The following CRIPTO variants were observed in gnomAD, a reference collection of about 807,000 sequenced individuals.
The protein encoded by CRIPTO is cripto, EGF-CFC family member.
the CRIPTO span, chr3:46,579,132 C>T: frequency 6.2e-7 from 1 of 1,614,188 alleles, no homozygotes; most frequent in African/African-American, 1.3e-5. Context: ...AGTCTTTGAA[C>T]TGGGATTAGT....
chr3:46,575,314 C>T, the CRIPTO span, among the ~76,000 whole-genome samples: 1 of 152,336 alleles, frequency 6.6e-6, no homozygotes, highest in South Asian at 2.1e-4. Context: ...CAGTAGTAGA[C>T]ATCAAATACC....
the CRIPTO span, chr3:46,581,309 G>A: frequency 5.4e-6 from 7 of 1,304,434 alleles, no homozygotes; most frequent in East Asian, 1.2e-4. Flanking sequence ...TTCATGACCA[G>A]TAAAGGCTGC....
the CRIPTO span, chr3:46,579,798 T>C: frequency 6.2e-7 from 1 of 1,613,662 alleles, no homozygotes; most frequent in South Asian, 1.1e-5. Flanking sequence ...GGGGTCCTTT[T>C]GTGCCTGCCC....
the CRIPTO span, chr3:46,581,013 G>A: frequency 2.6e-6 from 2 of 762,372 alleles, no homozygotes; most frequent in East Asian, 5.3e-5. Flanking sequence ...CTAGGTTCCA[G>A]GTGTGAGTGT....
the CRIPTO span, among the ~76,000 whole-genome samples, chr3:46,578,431 T>G: frequency 5.3e-5 from 8 of 151,704 alleles, no homozygotes; most frequent in Non-Finnish European, 1.2e-4. Context: ...TTAAAATAGT[T>G]TGGCCGGGTG....
chr3:46,581,173 C>G, the CRIPTO span: 1 of 1,614,164 alleles, frequency 6.2e-7, no homozygotes, highest in Non-Finnish European at 8.5e-7. Context: ...TTCCAGGACT[C>G]CAGAACTACC....
At chr3:46,576,835 C>CG in the CRIPTO span, among the ~76,000 whole-genome samples, 1 of 152,042 alleles carries the variant, frequency 6.6e-6, no homozygotes, top group Non-Finnish European at 1.5e-5. Flanking sequence ...GGCTCATAGA[C>CG]GCGCCTCTCC....
chr3:46,580,064 A>G, the CRIPTO span: 1 of 1,614,234 alleles, frequency 6.2e-7, no homozygotes, highest in South Asian at 1.1e-5. Flanking sequence ...GGCTGTGGTA[A>G]GCGGAGGTTC....
chr3:46,581,506 G>GTT, the CRIPTO span: 1 of 561,010 alleles, frequency 1.8e-6, no homozygotes, highest in Non-Finnish European at 3.1e-6. Flanking sequence ...TAAGTCCAGT[G>GTT]TTTCTTTTTT....
chr3:46,579,246 G>A, the CRIPTO span: 4 of 1,614,146 alleles, frequency 2.5e-6, no homozygotes, highest in South Asian at 1.1e-5. Context: ...GGGCCATCAG[G>A]AATTTGCTCG....
At chr3:46,580,131 C>T in the CRIPTO span, 12 of 1,600,144 alleles carry the variant, frequency 7.5e-6, no homozygotes, top group Middle Eastern at 1.7e-4. Context: ...GCTTAGTTAG[C>T]AGGCTCTCCT....
the CRIPTO span, among the ~76,000 whole-genome samples, chr3:46,575,149 G>A: frequency 1.3e-5 from 2 of 152,106 alleles, no homozygotes; most frequent in African/African-American, 4.8e-5. Flanking sequence ...GGCCATCCTA[G>A]GGTAGCCATT....
At chr3:46,574,649 A>G in the CRIPTO span, 14 of 152,226 alleles carry the variant, frequency 9.2e-5, no homozygotes, top group Admixed American at 9.2e-4. Context: ...TGTAGTGCAG[A>G]CATGGCATTC....
the CRIPTO span, chr3:46,577,991 C>G: frequency 1.3e-5 from 21 of 1,614,050 alleles, no homozygotes; most frequent in Admixed American, 1.7e-5. Context: ...GAAGATGGCC[C>G]GCTTCTCTTA....
the CRIPTO span, chr3:46,579,194 C>T: frequency 6.2e-7 from 1 of 1,614,072 alleles, no homozygotes; most frequent in Non-Finnish European, 8.5e-7. Flanking sequence ...TTTATGTGGC[C>T]TAAAATACAG....
chr3:46,578,481 G>A, the CRIPTO span, among the ~76,000 whole-genome samples: 25 of 152,120 alleles, frequency 1.6e-4, no homozygotes, highest in Admixed American at 7.2e-4. Flanking sequence ...TTGGGAGGCA[G>A]AGGCGGGTGG....
At chr3:46,579,409 T>A in the CRIPTO span, 64,747 of 1,613,826 alleles carry the variant, frequency 0.04, 2,504 homozygotes, top group East Asian at 0.17. Flanking sequence ...TGGCCCTTCA[T>A]GTGTCTCCTG....
At chr3:46,575,377 A>G in the CRIPTO span, among the ~76,000 whole-genome samples, 144 of 152,170 alleles carry the variant, frequency 9.5e-4, no homozygotes, top group African/African-American at 3.3e-3. Flanking sequence ...AACCTCTCTT[A>G]AACACCACAG....
chr3:46,578,750 T>C, the CRIPTO span, among the ~76,000 whole-genome samples: 1 of 152,192 alleles, frequency 6.6e-6, no homozygotes, highest in African/African-American at 2.4e-5. Context: ...GATTCATCGG[T>C]AACATGGGAT....
Sources: allele counts gnomAD v4.1 joint callset (sites outside exome capture counted in the v4.1 genomes callset), GRCh38; gene constraint gnomAD v4.1.1; transcripts MANE v1.5; gene names NCBI Gene and HGNC (gene_info 2026-07-23, HGNC 2026-07-21).